DPP10: variants seen among roughly 807,000 people sequenced by gnomAD.
DPP10 encodes inactive dipeptidyl peptidase 10.
In DPP10, 33 loss-of-function variants were observed where a neutral mutation model predicts 120.9. That is an observed-to-expected ratio of 0.27 (90% CI 0.21 to 0.37). The LOEUF (loss-of-function observed/expected upper bound fraction) is 0.37, where lower values mean the gene tolerates loss of function less well. DPP10 is among the 10% of genes least tolerant of loss of function. The pLI is 1.00. For synonymous variants in DPP10, 337 were observed against 326.1 expected (o/e 1.03, Z -0.36); for missense variants, 816 against 942.8 (o/e 0.87, Z 1.76).
At chr2:115,332,953 G>A (rs1457493617) in intron 2 of DPP10, among the ~76,000 whole-genome samples, 1 of 152,114 alleles carries the variant, frequency 6.6e-6, no homozygotes, top group African/African-American at 2.4e-5. Flanking sequence ...TTGGTGCAGT[G>A]CTGCGTTCAA....
chr2:114,474,444 A>G (rs1023181440), intron 1 of DPP10, among the ~76,000 whole-genome samples: 8 of 152,182 alleles, frequency 5.3e-5, no homozygotes, highest in African/African-American at 1.9e-4. Context: ...CCTATGAATG[A>G]TAACTGGAGA....
chr2:115,805,630 A>G (rs570007867), intron 19 of DPP10, among the ~76,000 whole-genome samples: 3 of 147,724 alleles, frequency 2.0e-5, no homozygotes, highest in East Asian at 4.0e-4. Context: ...GCTGGAGTGC[A>G]GTGGTGCAAT....
At chr2:115,468,575 G>A in intron 3 of DPP10, 1 of 404,332 alleles carries the variant, frequency 2.5e-6, no homozygotes, top group Non-Finnish European at 4.8e-6. Flanking sequence ...TAATGTGGTT[G>A]ATGGTGGCCC....
chr2:114,868,051 G>A (rs1187283352), intron 1 of DPP10, among the ~76,000 whole-genome samples: 1 of 152,176 alleles, frequency 6.6e-6, no homozygotes, highest in African/African-American at 2.4e-5. Context: ...CACATCTTCT[G>A]GTAGATATTC....
intron 1 of DPP10, among the ~76,000 whole-genome samples, chr2:115,007,327 A>G (rs1460168913): frequency 6.6e-6 from 1 of 152,354 alleles, no homozygotes; most frequent in East Asian, 1.9e-4. Flanking sequence ...CAAAAACCAC[A>G]TGATTATCTC....
chr2:114,896,259 A>G (rs1049852792), intron 1 of DPP10, among the ~76,000 whole-genome samples: 2 of 152,088 alleles, frequency 1.3e-5, no homozygotes, highest in African/African-American at 4.8e-5. Context: ...AGTTTTTTCC[A>G]ATTCTGTGAA....
intron 11 of DPP10, among the ~76,000 whole-genome samples, chr2:115,757,307 C>T (rs986932509): frequency 6.6e-6 from 1 of 151,878 alleles, no homozygotes; most frequent in Admixed American, 6.6e-5. Context: ...CTGATAAAGA[C>T]ATACCGAGAC....
intron 1 of DPP10, among the ~76,000 whole-genome samples, chr2:114,657,756 A>G (rs1351774419): frequency 6.6e-6 from 1 of 152,208 alleles, no homozygotes; most frequent in Non-Finnish European, 1.5e-5. Context: ...TTGATGTTTA[A>G]TGAAATTTAA....
At chr2:115,289,503 A>T (rs57507199) in intron 1 of DPP10, among the ~76,000 whole-genome samples, 5,387 of 96,276 alleles carry the variant, frequency 0.056, 181 homozygotes, top group African/African-American at 0.084. Context: ...AAAAAAAAAA[A>T]AGGAAGAAAA....
intron 3 of DPP10, among the ~76,000 whole-genome samples, chr2:115,455,803 T>C (rs143399419): frequency 0.016 from 2,503 of 152,222 alleles, 60 homozygotes; most frequent in African/African-American, 0.057. Flanking sequence ...TTTCACCTTA[T>C]ACAAAAATTA....
intron 3 of DPP10, among the ~76,000 whole-genome samples, chr2:115,476,278 C>T (rs1289701976): frequency 2.6e-5 from 4 of 152,176 alleles, no homozygotes; most frequent in African/African-American, 4.8e-5. Flanking sequence ...GTTTTAAAAG[C>T]GTGTGGTACC....
At chr2:115,577,172 A>T (rs916534869) in intron 5 of DPP10, among the ~76,000 whole-genome samples, 11 of 152,220 alleles carry the variant, frequency 7.2e-5, no homozygotes, top group Non-Finnish European at 1.2e-4. Context: ...AAAGTACTCC[A>T]GCTGCTCACT....
intron 1 of DPP10, among the ~76,000 whole-genome samples, chr2:114,648,424 T>C (rs1320873251): frequency 6.6e-6 from 1 of 152,220 alleles, no homozygotes; most frequent in Non-Finnish European, 1.5e-5. Flanking sequence ...TAAGTCCTGC[T>C]ACATGATCTT....
intron 1 of DPP10, among the ~76,000 whole-genome samples, chr2:114,484,818 C>T (rs1326515976): frequency 6.6e-6 from 1 of 152,012 alleles, no homozygotes; most frequent in African/African-American, 2.4e-5. Context: ...AAAAGGACTA[C>T]AAAATAACAT....
At chr2:114,493,372 G>A (rs538462035) in intron 1 of DPP10, among the ~76,000 whole-genome samples, 7 of 152,154 alleles carry the variant, frequency 4.6e-5, no homozygotes, top group South Asian at 4.1e-4. Flanking sequence ...GTGGTTCCAA[G>A]AAGAAAAATT....
chr2:115,759,541 A>C (rs1679842904), intron 11 of DPP10, among the ~76,000 whole-genome samples: 1 of 152,274 alleles, frequency 6.6e-6, no homozygotes, highest in South Asian at 2.1e-4. Flanking sequence ...AGGACGTGAA[A>C]AACAAAAATT....
At chr2:114,717,024 C>T (rs1380395635) in intron 1 of DPP10, among the ~76,000 whole-genome samples, 1 of 152,214 alleles carries the variant, frequency 6.6e-6, no homozygotes, top group South Asian at 2.1e-4. Flanking sequence ...CCAGTGCTGC[C>T]TGTGCCTTTG....
chr2:115,702,392 A>G (rs2091928577), intron 7 of DPP10, among the ~76,000 whole-genome samples: 1 of 152,102 alleles, frequency 6.6e-6, no homozygotes, highest in South Asian at 2.1e-4. Flanking sequence ...GCAAATGTCC[A>G]CAGTAGAATT....
chr2:114,447,488 C>T (rs1400307090), intron 1 of DPP10, among the ~76,000 whole-genome samples: 1 of 152,056 alleles, frequency 6.6e-6, no homozygotes, highest in East Asian at 1.9e-4. Context: ...TGTGTCATTG[C>T]AATATGCAAA....
Sources: gnomAD v4.1 joint callset for allele counts (sites outside exome capture counted in the v4.1 genomes callset) on GRCh38, gnomAD v4.1.1 for gene constraint, MANE v1.5 for transcripts, NCBI Gene and HGNC (gene_info 2026-07-23, HGNC 2026-07-21) for gene names.